Variants in HOGA1 observed in about 807,000 individuals in gnomAD.
HOGA1 encodes 4-hydroxy-2-oxoglutarate aldolase 1.
Under a neutral mutation model 34.3 loss-of-function variants are expected in HOGA1, and 30 were observed. The observed-to-expected ratio is 0.87, with a 90% CI of 0.65 to 1.19. The LOEUF is 1.19. HOGA1 is among the 50% of genes most tolerant of loss of function. HOGA1 has a pLI of 0.00. For synonymous variants in HOGA1, 161 were observed against 174.0 expected, an observed-to-expected ratio of 0.93 and a Z score of 0.59; for missense variants, 417 against 436.5, an observed-to-expected ratio of 0.96 and a Z score of 0.40.
intron 1 of HOGA1, chr10:97,590,306 CA>C (rs1012895434): frequency 1.9e-6 from 3 of 1,613,700 alleles, no homozygotes; most frequent in African/African-American, 1.3e-5. Context: ...GATTGACACC[CA>C]GGGGCGGCAC....
intron 1 of HOGA1, chr10:97,590,500 CCA>C: frequency 6.2e-7 from 1 of 1,612,480 alleles, no homozygotes; most frequent in Non-Finnish European, 8.5e-7. Flanking sequence ...CCTTCTATGG[CCA>C]CAGTCACCAC....
intron 1 of HOGA1, among the ~76,000 whole-genome samples, chr10:97,596,309 T>C (rs1203491609): frequency 6.6e-6 from 1 of 152,108 alleles, no homozygotes; most frequent in Non-Finnish European, 1.5e-5. Flanking sequence ...GCTCCACCTG[T>C]AGGGCCCCTG....
Position 97,599,672 on chromosome 10 carries a change from C to T in HOGA1, c.469-8C>T, listed in dbSNP as rs1413153455. On this transcript the variant is annotated splice_region_variant and splice_polypyrimidine_tract_variant and intron_variant, in intron 3 of 6. Transcript: ENST00000370646. ...CTCTCCTGCTTTTCTCTGCGCCCCC[C>T]TCCCCAGGTTGCTGATCTCTCTCCA... 5 of 1,613,874 alleles carry T rather than the reference C, an allele frequency of 3.1e-6. No homozygotes were observed. Among genetic ancestry groups the T allele is most frequent in the Middle Eastern group, 1.7e-4 (1 of 6,030 alleles).
At chr10:97,586,748 G>A (rs1388381050) in intron 1 of HOGA1, among the ~76,000 whole-genome samples, 3 of 152,130 alleles carry the variant, frequency 2.0e-5, no homozygotes, top group Non-Finnish European at 4.4e-5. Flanking sequence ...ACCCACTCTT[G>A]CAGAGGGCAT....
At chr10:97,611,377 C>A in intron 6 of HOGA1, 133 bp from the exon 7 acceptor site, 1 of 947,164 alleles carries the variant, frequency 1.1e-6, no homozygotes, top group Non-Finnish European at 1.7e-6. Flanking sequence ...ACCCTGGGTG[C>A]CATAGAGTTG....
intron 1 of HOGA1, among the ~76,000 whole-genome samples, chr10:97,586,861 C>T (rs2040975085): frequency 6.6e-6 from 1 of 152,224 alleles, no homozygotes; most frequent in Admixed American, 6.5e-5. Context: ...CAGCTCCCAT[C>T]TGATCACTCA....
At chr10:97,600,531 A>C in intron 5 of HOGA1, 1 of 357,418 alleles carries the variant, frequency 2.8e-6, no homozygotes. Flanking sequence ...TCAGGAGTCC[A>C]TTTTCCTCTC....
intron 2 of HOGA1, 75 bp downstream of exon 2, chr10:97,598,978 C>T (rs2041094010): frequency 4.4e-6 from 7 of 1,608,756 alleles, no homozygotes; most frequent in Middle Eastern, 2.0e-4. Context: ...AGCTTGGGTC[C>T]TGTCTCCTTG....
intron 1 of HOGA1, among the ~76,000 whole-genome samples, chr10:97,596,802 A>G (rs2041075354): frequency 6.6e-6 from 1 of 152,042 alleles, no homozygotes; most frequent in Non-Finnish European, 1.5e-5. Context: ...AGTGAACAGC[A>G]TGGAAAAAGT....
chr10:97,600,324 T>A, intron 5 of HOGA1, 161 bp downstream of exon 5: 1 of 690,778 alleles, frequency 1.4e-6, no homozygotes, highest in Non-Finnish European at 2.6e-6. Context: ...GCCGCTTACC[T>A]GTCTGAATTC....
chr10:97,589,841 C>T, intron 1 of HOGA1: 1 of 1,383,386 alleles, frequency 7.2e-7, no homozygotes. Flanking sequence ...GCTCATCCAG[C>T]AGCCATCATG....
chr10:97,585,982 C>T (rs1293014279), intron 1 of HOGA1, among the ~76,000 whole-genome samples: 1 of 151,962 alleles, frequency 6.6e-6, no homozygotes, highest in Non-Finnish European at 1.5e-5. Context: ...ACTAAAAATG[C>T]AAAAATTAGC....
chr10:97,592,805 G>C (rs1240417946), intron 1 of HOGA1, among the ~76,000 whole-genome samples: 1 of 151,788 alleles, frequency 6.6e-6, no homozygotes, highest in Non-Finnish European at 1.5e-5. Flanking sequence ...GAGATGGGCA[G>C]ATCACTTGAG....
At chr10:97,610,991 T>G (rs576357644) in intron 6 of HOGA1, among the ~76,000 whole-genome samples, 2 of 152,260 alleles carry the variant, frequency 1.3e-5, no homozygotes, top group East Asian at 3.9e-4. Context: ...ATGCTTTGCT[T>G]TTCCTGGGAG....
At position 97,584,577 on chromosome 10, in the gene HOGA1, G is replaced by C. The variant is rs1047258297; in HGVS notation, c.-127G>C. ...ACACCCAGCTCAGGCCTGCCCCAGT[G>C]GCCACAAGTCAGGGAGGCCGCAAAT... On this transcript the variant is annotated 5_prime_UTR_variant, in exon 1 of 7. Transcript: ENST00000370646. The C allele has an allele frequency of 2.2e-5, 18 of 831,788 alleles. No individual in the cohort carries two copies. In the African/African-American group the frequency reaches 3.0e-4, roughly 14 times the overall value. The allele number at this position is 831,788 out of a possible 1,614,324, so 51.5% of individuals were successfully genotyped here.
intron 1 of HOGA1, among the ~76,000 whole-genome samples, chr10:97,587,664 C>T (rs905951183): frequency 1.3e-5 from 2 of 151,842 alleles, no homozygotes; most frequent in African/African-American, 2.4e-5. Flanking sequence ...CCTGCCACCA[C>T]GCCTGGCTAA....
At chr10:97,596,051 G>T (rs1275265740) in intron 1 of HOGA1, among the ~76,000 whole-genome samples, 5 of 152,196 alleles carry the variant, frequency 3.3e-5, no homozygotes, top group Admixed American at 2.6e-4. Flanking sequence ...CCATAGAAAA[G>T]GAAACAGACT....
intron 5 of HOGA1, 180 bp downstream of exon 5, chr10:97,600,343 G>A (rs962304321): frequency 4.5e-6 from 3 of 661,682 alleles, no homozygotes; most frequent in Non-Finnish European, 8.2e-6. Context: ...TCGGGATGCT[G>A]TGAGTAACCT....
chr10:97,611,437 G>C (rs1475411727), intron 6 of HOGA1, 73 bp from the exon 7 acceptor site: 2 of 1,550,766 alleles, frequency 1.3e-6, no homozygotes, highest in Non-Finnish European at 8.9e-7. Context: ...TTCTGAAAGT[G>C]ACAGATCTCC....
Sources: gnomAD v4.1 joint callset for allele counts (sites outside exome capture counted in the v4.1 genomes callset) on GRCh38, gnomAD v4.1.1 for gene constraint, MANE v1.5 for transcripts, NCBI Gene and HGNC (gene_info 2026-07-23, HGNC 2026-07-21) for gene names.